CNTN5: variants seen among roughly 807,000 people sequenced by gnomAD.
The protein encoded by CNTN5 is contactin 5.
Under a neutral mutation model 129.1 loss-of-function variants are expected in CNTN5, and 77 were observed. The ratio of observed to expected loss-of-function variants is 0.60; its 90% confidence interval spans 0.50 to 0.72. The LOEUF (loss-of-function observed/expected upper bound fraction) is 0.72, where lower values mean the gene tolerates loss of function less well. CNTN5 is among the 30% of genes least tolerant of loss of function. The probability of loss-of-function intolerance (pLI) is 0.00; values close to 1 mark genes in which losing one functional copy is unlikely to be tolerated. For synonymous variants in CNTN5, 509 were observed against 465.6 expected, an observed-to-expected ratio of 1.09 and a Z score of -1.20; for missense variants, 1,478 against 1,328.8, an observed-to-expected ratio of 1.11 and a Z score of -1.75.
At chr11:100,161,725 A>ATGAC (rs1947452743) in intron 13 of CNTN5, among the ~76,000 whole-genome samples, 1 of 151,648 alleles carries the variant, frequency 6.6e-6, no homozygotes, top group Non-Finnish European at 1.5e-5. Context: ...AGACATACAT[A>ATGAC]TGACAGAAGG....
chr11:100,229,001 G>A (rs1233642915), intron 16 of CNTN5, among the ~76,000 whole-genome samples: 1 of 152,068 alleles, frequency 6.6e-6, no homozygotes, highest in Non-Finnish European at 1.5e-5. Context: ...TAAGCACAGG[G>A]CCCCGAACTT....
At chr11:100,237,827 G>T (rs1442242865) in intron 16 of CNTN5, among the ~76,000 whole-genome samples, 1 of 152,132 alleles carries the variant, frequency 6.6e-6, no homozygotes, top group Non-Finnish European at 1.5e-5. Context: ...TACATGTAAA[G>T]ATTGGCTGTC....
chr11:99,659,610 G>C (rs185429545), intron 3 of CNTN5, among the ~76,000 whole-genome samples: 7 of 152,214 alleles, frequency 4.6e-5, no homozygotes, highest in Non-Finnish European at 8.8e-5. Context: ...TAGAGACCTA[G>C]GGAAAAGTTG....
intron 13 of CNTN5, among the ~76,000 whole-genome samples, chr11:100,177,114 T>C (rs561056026): frequency 5.6e-4 from 85 of 152,086 alleles, no homozygotes; most frequent in African/African-American, 2.0e-3. Flanking sequence ...TAATGTGCAA[T>C]TTGAAGGAAA....
intron 2 of CNTN5, among the ~76,000 whole-genome samples, chr11:99,540,722 A>C (rs371399623): frequency 1.3e-5 from 2 of 152,066 alleles, no homozygotes; most frequent in Non-Finnish European, 2.9e-5. Flanking sequence ...CTGCTAAAGC[A>C]GTCTGAGCTA....
intron 6 of CNTN5, among the ~76,000 whole-genome samples, chr11:99,866,865 C>G (rs1948369908): frequency 6.6e-6 from 1 of 152,186 alleles, no homozygotes; most frequent in Admixed American, 6.5e-5. Flanking sequence ...CAGTACTTAC[C>G]AATCCCTCTT....
intron 3 of CNTN5, among the ~76,000 whole-genome samples, chr11:99,628,414 G>A (rs1457897229): frequency 6.6e-6 from 1 of 151,956 alleles, no homozygotes; most frequent in African/African-American, 2.4e-5. Context: ...CAGTGTTAAA[G>A]TAAAGCATCT....
intron 1 of CNTN5, among the ~76,000 whole-genome samples, chr11:99,182,453 A>ATT (rs35599171): frequency 7.9e-5 from 12 of 151,176 alleles, no homozygotes; most frequent in Non-Finnish European, 1.3e-4. Context: ...ATACACAGGC[A>ATT]TTTTTTTTTC....
intron 3 of CNTN5, among the ~76,000 whole-genome samples, chr11:99,726,444 A>G (rs1327670660): frequency 3.3e-5 from 5 of 152,224 alleles, no homozygotes; most frequent in African/African-American, 7.2e-5. Context: ...TAGCTCACCG[A>G]AATTACTACA....
chr11:99,510,288 T>C (rs964679779), intron 2 of CNTN5, among the ~76,000 whole-genome samples: 5 of 152,106 alleles, frequency 3.3e-5, no homozygotes, highest in African/African-American at 9.7e-5. Context: ...GAAAGATTTA[T>C]CTGTTGTTAT....
chr11:99,178,328 AC>A, intron 1 of CNTN5, among the ~76,000 whole-genome samples: 1 of 121,668 alleles, frequency 8.2e-6, no homozygotes, highest in East Asian at 2.3e-4. Flanking sequence ...ACACACACAC[AC>A]ACACACACAC....
chr11:99,948,888 G>A (rs887003619), intron 7 of CNTN5, among the ~76,000 whole-genome samples: 1 of 152,266 alleles, frequency 6.6e-6, no homozygotes, highest in South Asian at 2.1e-4. Context: ...CTGGAAAATC[G>A]TGCTTCCTGC....
intron 2 of CNTN5, among the ~76,000 whole-genome samples, chr11:99,349,729 T>C (rs1938158419): frequency 6.6e-6 from 1 of 152,124 alleles, no homozygotes; most frequent in Non-Finnish European, 1.5e-5. Context: ...AAACTTGTGA[T>C]AAACTCATTT....
At chr11:99,705,305 G>C (rs1954707506) in intron 3 of CNTN5, among the ~76,000 whole-genome samples, 1 of 151,254 alleles carries the variant, frequency 6.6e-6, no homozygotes, top group African/African-American at 2.4e-5. Flanking sequence ...ATCCAGATAT[G>C]CTCTAAGAAG....
In CNTN5 at chr11:100,358,352, A is replaced by G. The variant is rs1165532832; in HGVS notation, c.*2132A>G. ...TTAGCTGATGGATGGTACGTATCTG[A>G]CAGAGTATTTACACATATAGAATGT... On this transcript the variant is annotated 3_prime_UTR_variant, in exon 25 of 25. Coordinates refer to ENST00000524871, the MANE Select transcript of CNTN5 (RefSeq NM_014361.4). 6.6e-6 allele frequency: 1 copy of G among 151,886 alleles called. No homozygotes were observed. The highest frequency in any genetic ancestry group is 2.4e-5 in the African/African-American group (1 of 41,412). 9.4% of individuals were successfully genotyped at this position (151,886 alleles called of 1,614,324 possible).
chr11:99,675,314 C>G (rs1173858884), intron 3 of CNTN5, among the ~76,000 whole-genome samples: 1 of 151,970 alleles, frequency 6.6e-6, no homozygotes, highest in African/African-American at 2.4e-5. Flanking sequence ...ATTTTTAAAT[C>G]CCAGCACTAA....
chr11:99,722,467 G>A (rs1943205250), intron 3 of CNTN5, among the ~76,000 whole-genome samples: 1 of 151,874 alleles, frequency 6.6e-6, no homozygotes, highest in African/African-American at 2.4e-5. Flanking sequence ...ATAGACACTG[G>A]GGTCTACTTC....
At chr11:99,147,711 A>G (rs1042016748) in intron 1 of CNTN5, among the ~76,000 whole-genome samples, 3 of 152,156 alleles carry the variant, frequency 2.0e-5, no homozygotes, top group Non-Finnish European at 4.4e-5. Flanking sequence ...ATAATATTTT[A>G]TTTCTCCTCT....
intron 1 of CNTN5, among the ~76,000 whole-genome samples, chr11:99,070,398 A>G (rs1865294948): frequency 1.3e-5 from 2 of 152,168 alleles, no homozygotes; most frequent in Non-Finnish European, 1.5e-5. Context: ...AATGGTTTCT[A>G]TTAATAAAAA....
Sources: gnomAD v4.1 joint callset for allele counts (sites outside exome capture counted in the v4.1 genomes callset) on GRCh38, gnomAD v4.1.1 for gene constraint, MANE v1.5 for transcripts, NCBI Gene and HGNC (gene_info 2026-07-23, HGNC 2026-07-21) for gene names.